The following INPP5B variants were observed in gnomAD, a reference collection of about 807,000 sequenced individuals.
INPP5B encodes inositol polyphosphate-5-phosphatase B.
A neutral mutation model predicts 118.5 loss-of-function variants in INPP5B; 90 were observed. The ratio of observed to expected loss-of-function variants is 0.76; its 90% confidence interval spans 0.64 to 0.90. The LOEUF is 0.90. Ranked by LOEUF, INPP5B falls within the 40% of genes least tolerant of loss-of-function variation. The probability of loss-of-function intolerance (pLI) is 0.00; values close to 1 mark genes in which losing one functional copy is unlikely to be tolerated. For synonymous variants in INPP5B, 385 were observed against 418.9 expected, an observed-to-expected ratio of 0.92 and a Z score of 0.99; for missense variants, 984 against 1,125.6, an observed-to-expected ratio of 0.87 and a Z score of 1.80.
chr1:37,876,717 A>AAAC (rs1553153001), intron 16 of INPP5B, among the ~76,000 whole-genome samples: 2 of 149,094 alleles, frequency 1.3e-5, no homozygotes, highest in Non-Finnish European at 3.0e-5. Flanking sequence ...AAAAAAAAAA[A>AAAC]AAAAAACCAT....
intron 15 of INPP5B, among the ~76,000 whole-genome samples, chr1:37,879,242 A>C (rs1236921322): frequency 6.6e-6 from 1 of 151,324 alleles, no homozygotes; most frequent in African/African-American, 2.4e-5. Context: ...ACTGCACTAC[A>C]GCCTGGCGAC....
chr1:37,864,894 T>A (rs1219464307), intron 22 of INPP5B: 5 of 152,578 alleles, frequency 3.3e-5, no homozygotes, highest in African/African-American at 1.2e-4. Context: ...TTGAATAGAT[T>A]CCAAAAGTGA....
chr1:37,945,070 C>G (rs1646068361), intron 3 of INPP5B, among the ~76,000 whole-genome samples: 1 of 152,054 alleles, frequency 6.6e-6, no homozygotes, highest in Admixed American at 6.5e-5. Context: ...GGAGTTCCAG[C>G]ATGCAGCTAT....
chr1:37,866,406 T>TCTCTCTCA (rs748938943), intron 21 of INPP5B, 53 bp downstream of exon 21: 719 of 402,554 alleles, frequency 1.8e-3, no homozygotes, highest in Middle Eastern at 5.2e-3. Flanking sequence ...TCTCTCTCTC[T>TCTCTCTCA]CACACACACA....
chr1:37,939,911 T>C (rs1311738751), intron 6 of INPP5B, among the ~76,000 whole-genome samples: 1 of 152,120 alleles, frequency 6.6e-6, no homozygotes, highest in African/African-American at 2.4e-5. Context: ...TAGCTGTTTC[T>C]TCTGCTTCCT....
intron 7 of INPP5B, among the ~76,000 whole-genome samples, chr1:37,917,288 C>T (rs1294224007): frequency 1.3e-5 from 1 of 77,050 alleles, no homozygotes; most frequent in Non-Finnish European, 2.6e-5. Flanking sequence ...GACTCCGTCT[C>T]GGGGGAAAAA....
chr1:37,909,606 G>T (rs1027052359), intron 7 of INPP5B, among the ~76,000 whole-genome samples: 4 of 152,080 alleles, frequency 2.6e-5, no homozygotes, highest in African/African-American at 9.7e-5. Context: ...TCCATGGCCC[G>T]TTTGGCAACA....
chr1:37,936,378 T>C (rs1454762519), intron 6 of INPP5B, among the ~76,000 whole-genome samples: 2 of 152,170 alleles, frequency 1.3e-5, no homozygotes, highest in Non-Finnish European at 2.9e-5. Flanking sequence ...TCCCGCACTT[T>C]GGGAGGCCGA....
intron 19 of INPP5B, chr1:37,870,091 G>T (rs1642319981): frequency 6.6e-6 from 1 of 150,822 alleles, no homozygotes; most frequent in Non-Finnish European, 1.5e-5. Context: ...AAAAACAAAA[G>T]AATAATATCA....
At chr1:37,873,847 G>A (rs2148469597) in intron 18 of INPP5B, 146 bp downstream of exon 18, 1 of 465,286 alleles carries the variant, frequency 2.1e-6, no homozygotes, top group East Asian at 3.5e-5. Context: ...TTTTATTCAT[G>A]AATGGGTTCA....
In INPP5B at chr1:37,935,995, G is replaced by A. The variant is rs575717903; in HGVS notation, c.392-3942C>T. ...GCAGGAGAATGGCATGAACCTGCGA[G>A]GTGGAGCTTGCAGTAAGCCGAGATC... On this transcript the variant is annotated intron_variant, in intron 6 of 23. Coordinates refer to ENST00000373024, the MANE Select transcript of INPP5B (RefSeq NM_005540.3). Among the ~76,000 whole-genome samples, 66 of 152,220 alleles carry A rather than the reference G, an allele frequency of 4.3e-4. 3 individuals are homozygous for A. The highest frequency in any genetic ancestry group is 6.2e-4 in the South Asian group (3 of 4,820).
chr1:37,889,076 G>A (rs1043995899), intron 9 of INPP5B, among the ~76,000 whole-genome samples: 29 of 152,220 alleles, frequency 1.9e-4, no homozygotes, highest in African/African-American at 7.0e-4. Context: ...AACACAGTGC[G>A]ACCCTGTCTC....
intron 6 of INPP5B, among the ~76,000 whole-genome samples, chr1:37,936,682 T>C (rs916011489): frequency 5.3e-5 from 8 of 151,218 alleles, no homozygotes; most frequent in Non-Finnish European, 1.2e-4. Flanking sequence ...AAGGAAGCAC[T>C]AGAGCAAAAC....
chr1:37,943,408 C>T lies in INPP5B; in HGVS notation c.280+232G>A, dbSNP rs567813243. On this transcript the variant is annotated intron_variant, in intron 5 of 23. Transcript: ENST00000373024. The stretch of plus-strand genomic sequence containing the variant: ...TGAGGCTTGCAGGAGGAGAGGACAG[C>T]GTGTGCAGGGGCTCCGGGGTGAGAA... Among the ~76,000 whole-genome samples the T allele has an allele frequency of 2.3e-4, 35 of 152,016 alleles. 1 individual carries two copies. In the South Asian group the frequency reaches 5.8e-3, roughly 25 times the overall value.
chr1:37,891,964 G>A (rs966766032), intron 7 of INPP5B, among the ~76,000 whole-genome samples: 2 of 152,134 alleles, frequency 1.3e-5, no homozygotes, highest in African/African-American at 2.4e-5. Flanking sequence ...TCTCATCCAG[G>A]TATCTTTACT....
intron 7 of INPP5B, among the ~76,000 whole-genome samples, chr1:37,892,413 C>G (rs555232964): frequency 3.5e-4 from 54 of 152,288 alleles, no homozygotes; most frequent in African/African-American, 1.2e-3. Context: ...GTCGTTAAAC[C>G]AAGATAAACC....
At chr1:37,936,604 C>A (rs1349731454) in intron 6 of INPP5B, among the ~76,000 whole-genome samples, 2 of 150,502 alleles carry the variant, frequency 1.3e-5, no homozygotes, top group African/African-American at 4.9e-5. Flanking sequence ...CAGGGAGTCT[C>A]AAAAAAAAAT....
At chr1:37,881,306 C>A (rs180856874) in intron 14 of INPP5B, among the ~76,000 whole-genome samples, 1 of 152,198 alleles carries the variant, frequency 6.6e-6, no homozygotes, top group African/African-American at 2.4e-5. Context: ...GAAAGATTCA[C>A]TGTCAACTTA....
At chr1:37,926,346 G>A (rs900482016) in intron 7 of INPP5B, among the ~76,000 whole-genome samples, 1 of 151,592 alleles carries the variant, frequency 6.6e-6, no homozygotes, top group Non-Finnish European at 1.5e-5. Flanking sequence ...CTGGCATGCA[G>A]TGGCGTGATC....
Sources: allele counts gnomAD v4.1 joint callset (sites outside exome capture counted in the v4.1 genomes callset), GRCh38; gene constraint gnomAD v4.1.1; transcripts MANE v1.5; gene names NCBI Gene and HGNC (gene_info 2026-07-23, HGNC 2026-07-21).